The following LINGO2 variants were observed in gnomAD, a reference collection of about 807,000 sequenced individuals.
The protein encoded by LINGO2 is leucine-rich repeat and immunoglobulin-like domain-containing nogo receptor-interacting protein 2.
In LINGO2, 14 loss-of-function variants were observed where a neutral mutation model predicts 30.6. The observed-to-expected ratio is 0.46, with a 90% CI of 0.30 to 0.72. The LOEUF is 0.72. LINGO2 is among the 30% of genes least tolerant of loss of function. LINGO2 has a pLI of 0.07. For synonymous variants in LINGO2, 317 were observed against 288.5 expected (o/e 1.10, Z -1.00); for missense variants, 729 against 751.7 (o/e 0.97, Z 0.35).
chr9:28,549,438 G>A (rs1401123363), intron 1 of LINGO2, among the ~76,000 whole-genome samples: 1 of 151,986 alleles, frequency 6.6e-6, no homozygotes, highest in East Asian at 1.9e-4. Flanking sequence ...GTGGTAGGGA[G>A]CTGACTGAGC....
At chr9:28,648,577 T>C (rs966550618) in intron 1 of LINGO2, among the ~76,000 whole-genome samples, 26 of 152,084 alleles carry the variant, frequency 1.7e-4, no homozygotes, top group African/African-American at 6.3e-4. Context: ...TAGTCTACAA[T>C]TATTCTCTAA....
chr9:28,499,010 T>A (rs1390535030), intron 1 of LINGO2, among the ~76,000 whole-genome samples: 1 of 152,150 alleles, frequency 6.6e-6, no homozygotes, highest in Non-Finnish European at 1.5e-5. Context: ...AGCAAACTTA[T>A]GGGGATGTAA....
the LINGO2 span, among the ~76,000 whole-genome samples, chr9:28,811,230 C>T: frequency 2.6e-5 from 4 of 152,100 alleles, no homozygotes; most frequent in African/African-American, 9.7e-5. Flanking sequence ...ACAAGTTCTT[C>T]TGACTCCAAA....
the LINGO2 span, among the ~76,000 whole-genome samples, chr9:29,144,470 T>C: frequency 1.3e-5 from 2 of 152,060 alleles, no homozygotes; most frequent in East Asian, 1.9e-4. Context: ...AAAAAAAATA[T>C]ACTGGAAGTA....
At chr9:28,261,319 T>C (rs1021017610) in intron 4 of LINGO2, among the ~76,000 whole-genome samples, 1 of 151,952 alleles carries the variant, frequency 6.6e-6, no homozygotes, top group African/African-American at 2.4e-5. Context: ...CAGCTTACTC[T>C]TTTTGCAGCC....
At chr9:28,709,343 T>C in the LINGO2 span, among the ~76,000 whole-genome samples, 1 of 152,090 alleles carries the variant, frequency 6.6e-6, no homozygotes, top group Non-Finnish European at 1.5e-5. Flanking sequence ...TTATGCAAAG[T>C]TGAGAAATCC....
the LINGO2 span, among the ~76,000 whole-genome samples, chr9:28,985,641 G>GTTGGACATT: frequency 6.6e-6 from 1 of 151,960 alleles, no homozygotes; most frequent in African/African-American, 2.4e-5. Flanking sequence ...TCATATATAT[G>GTTGGACATT]TTGGACATTT....
At chr9:28,768,613 GACACACACACACACACACAC>G in the LINGO2 span, among the ~76,000 whole-genome samples, 1 of 144,410 alleles carries the variant, frequency 6.9e-6, no homozygotes, top group Non-Finnish European at 1.5e-5. Flanking sequence ...GACAGACTGG[GACACACACACACACACACAC>G]ACACACACAC....
rs1275972276 is a variant in LINGO2, at chr9:28,091,201, T to C, written c.-86-78796A>G. Among the ~76,000 whole-genome samples, 3 of 151,818 alleles carry C rather than the reference T, an allele frequency of 2.0e-5. No individual in the cohort carries two copies. In the East Asian group the frequency reaches 5.8e-4, roughly 29 times the overall value. ...GCTTCCAATGACTTTCTTCACAGAA[T>C]TGGAAAAAACTACTTTAAAGTTCAT... is the stretch of plus-strand genomic sequence containing the variant. On this transcript the variant is annotated intron_variant, in intron 4 of 5. Coordinates refer to ENST00000379992, the Ensembl canonical transcript of LINGO2.
chr9:28,269,653 TC>T (rs147644627), intron 4 of LINGO2, among the ~76,000 whole-genome samples: 26 of 152,112 alleles, frequency 1.7e-4, no homozygotes, highest in African/African-American at 5.5e-4. Flanking sequence ...ATCAATAATT[TC>T]CCCCACCAAA....
chr9:28,154,289 G>A (rs1255230417), intron 4 of LINGO2, among the ~76,000 whole-genome samples: 1 of 152,134 alleles, frequency 6.6e-6, no homozygotes, highest in African/African-American at 2.4e-5. Flanking sequence ...GAAAATTGGA[G>A]ACATTGGGTC....
chr9:28,881,180 T>C, the LINGO2 span, among the ~76,000 whole-genome samples: 1 of 152,088 alleles, frequency 6.6e-6, no homozygotes, highest in Non-Finnish European at 1.5e-5. Context: ...CGACTAGAAA[T>C]ACCCACAGGT....
intron 4 of LINGO2, among the ~76,000 whole-genome samples, chr9:28,047,758 C>G (rs1824489884): frequency 6.7e-6 from 1 of 149,218 alleles, no homozygotes; most frequent in Non-Finnish European, 1.5e-5. Context: ...TTATTAAAAG[C>G]AATAGAACAC....
At chr9:29,015,878 TTTGA>T in the LINGO2 span, among the ~76,000 whole-genome samples, 101 of 152,324 alleles carry the variant, frequency 6.6e-4, no homozygotes, top group Admixed American at 2.1e-3. Context: ...TTTTATTTGC[TTTGA>T]TTTTCTAATG....
chr9:28,061,413 T>C (rs1825139802), intron 4 of LINGO2, among the ~76,000 whole-genome samples: 1 of 151,874 alleles, frequency 6.6e-6, no homozygotes, highest in African/African-American at 2.4e-5. Context: ...ATCCAGAAGT[T>C]GCATAATATG....
At chr9:28,876,524 C>T in the LINGO2 span, among the ~76,000 whole-genome samples, 1 of 151,872 alleles carries the variant, frequency 6.6e-6, no homozygotes, top group Non-Finnish European at 1.5e-5. Flanking sequence ...CCTTGCTATA[C>T]TTTACTGAGA....
intron 2 of LINGO2, among the ~76,000 whole-genome samples, chr9:28,475,414 A>G (rs1424208798): frequency 2.0e-5 from 3 of 152,188 alleles, no homozygotes; most frequent in African/African-American, 7.2e-5. Context: ...TATGATTTAA[A>G]GGCAAGTCAC....
the LINGO2 span, among the ~76,000 whole-genome samples, chr9:29,005,017 G>A: frequency 6.6e-6 from 1 of 151,914 alleles, no homozygotes; most frequent in Non-Finnish European, 1.5e-5. Context: ...TGTGGTAAGT[G>A]TAAATACTAG....
chr9:28,300,621 G>C (rs4587420), intron 3 of LINGO2, among the ~76,000 whole-genome samples: 97,681 of 151,946 alleles, frequency 0.64, 31,722 homozygotes, highest in African/African-American at 0.71. Flanking sequence ...CTTCCTGCCT[G>C]CTTTCTTCTT....
Sources: gnomAD v4.1 joint callset for allele counts (sites outside exome capture counted in the v4.1 genomes callset) on GRCh38, gnomAD v4.1.1 for gene constraint, MANE v1.5 for transcripts, NCBI Gene and HGNC (gene_info 2026-07-23, HGNC 2026-07-21) for gene names.